TPD52L2: variants seen among roughly 807,000 people sequenced by gnomAD.
TPD52L2 encodes tumor protein D54.
TPD52L2 carries 19 observed loss-of-function variants against 24.7 expected under a neutral mutation model. The ratio of observed to expected loss-of-function variants is 0.77; its 90% CI spans 0.54 to 1.13. The LOEUF (loss-of-function observed/expected upper bound fraction) is 1.13. Among genes scored for constraint, TPD52L2 ranks in the 50% most tolerant of loss-of-function variants. The pLI, the probability that TPD52L2 is intolerant of heterozygous loss-of-function variation, is 0.00. For synonymous variants in TPD52L2, 104 were observed against 100.2 expected, an observed-to-expected ratio of 1.04 and a Z score of -0.23; for missense variants, 236 against 250.4, an observed-to-expected ratio of 0.94 and a Z score of 0.39.
rs2053308335 is a variant in TPD52L2, at chr20:63,891,212, A to G, written c.*1267A>G. ...GTGCCTTAGTGGCTCTTGGCAGGAC[A>G]CTGAGGGCCTGCCTGTGGTGTGCCC... On this transcript the variant is annotated 3_prime_UTR_variant, in exon 7 of 7. Transcript: ENST00000346249. The surrounding 1 kb of genome is among the most constrained non-coding windows in gnomAD (Gnocchi z 4.7). 2 of 152,740 alleles carry G rather than the reference A, an allele frequency of 1.3e-5. No individual in the cohort carries two copies. The highest frequency in any genetic ancestry group is 2.9e-5 in the Non-Finnish European group (2 of 68,070). 9.5% of individuals were successfully genotyped at this position (152,740 alleles called of 1,614,324 possible).
At chr20:63,886,147 A>G in intron 5 of TPD52L2, 1 of 1,153,404 alleles carries the variant, frequency 8.7e-7, no homozygotes, top group Non-Finnish European at 1.3e-6. Context: ...GGGCAGTGAA[A>G]GTGGGATCAC....
chr20:63,884,722 G>A (rs1435416608), intron 5 of TPD52L2, among the ~76,000 whole-genome samples: 1 of 152,190 alleles, frequency 6.6e-6, no homozygotes, highest in Non-Finnish European at 1.5e-5. Context: ...TTGCAGTGAC[G>A]CTGGCACAGC....
At chr20:63,889,551 C>G (rs1257009897) in intron 6 of TPD52L2, among the ~76,000 whole-genome samples, 1 of 152,174 alleles carries the variant, frequency 6.6e-6, no homozygotes, top group Non-Finnish European at 1.5e-5. Flanking sequence ...TGACCTTCCT[C>G]CCGCCCTACC....
At chr20:63,874,956 A>G (rs2052611475) in intron 3 of TPD52L2, among the ~76,000 whole-genome samples, 2 of 151,994 alleles carry the variant, frequency 1.3e-5, no homozygotes, top group South Asian at 2.1e-4. Context: ...CCTGACCAAC[A>G]TGGAGAAACC....
At chr20:63,888,755 C>T (rs1221034786) in intron 5 of TPD52L2, 22 of 191,372 alleles carry the variant, frequency 1.1e-4, no homozygotes, top group Non-Finnish European at 1.8e-4. Context: ...AGAGAGGGGC[C>T]GACAGCCCCC....
At chr20:63,885,793 G>C (rs556009795) in intron 5 of TPD52L2, among the ~76,000 whole-genome samples, 1 of 152,238 alleles carries the variant, frequency 6.6e-6, no homozygotes, top group East Asian at 1.9e-4. Flanking sequence ...ATGATCTTGC[G>C]AGAGCCTCCT....
Position 63,890,310 on chromosome 20 carries a change from TA to T in TPD52L2, c.*367del. The T allele has an allele frequency of 3.0e-6, 1 of 329,432 alleles. No homozygotes were observed. The highest frequency in any genetic ancestry group is 5.5e-6 in the Non-Finnish European group (1 of 181,924). The allele number at this position is 329,432 out of a possible 1,614,324, so 20.4% of individuals were successfully genotyped here. On this transcript the variant is annotated 3_prime_UTR_variant, in exon 7 of 7. Coordinates refer to ENST00000346249, the MANE Select transcript of TPD52L2 (RefSeq NM_003288.4). ...GGATTGAAGAGTTCTAAGCATAAAATAAGTGGCATTTTCTGACTTCTTCCTC... is the reference window on the plus strand; with the variant it reads ...GGATTGAAGAGTTCTAAGCATAAAATAGTGGCATTTTCTGACTTCTTCCTC...
chr20:63,868,731 G>A (rs2052352658), intron 1 of TPD52L2, among the ~76,000 whole-genome samples: 1 of 152,212 alleles, frequency 6.6e-6, no homozygotes, highest in Admixed American at 6.5e-5. Context: ...ATCACCCGAG[G>A]TCGGGAATTG....
chr20:63,873,453 C>T lies in TPD52L2; in HGVS notation c.166-215C>T, dbSNP rs1481180689. 1.6e-3 allele frequency among the ~76,000 whole-genome samples: 240 copies of T among 151,136 alleles called. 3 individuals carry two copies. Among genetic ancestry groups the T allele is most frequent in the Non-Finnish European group, 6.6e-4 (45 of 67,872 alleles). ...GCGGTGAGCCGAGGTCGTGCCATTGCACTCCAGCCTGGGCGACGAGCGAAA... is the reference window on the plus strand; with the variant it reads ...GCGGTGAGCCGAGGTCGTGCCATTGTACTCCAGCCTGGGCGACGAGCGAAA... On this transcript the variant is annotated intron_variant, in intron 2 of 6. Coordinates refer to ENST00000346249, the MANE Select transcript of TPD52L2 (RefSeq NM_003288.4).
At chr20:63,869,894 G>A (rs939509321) in intron 2 of TPD52L2, among the ~76,000 whole-genome samples, 2 of 152,210 alleles carry the variant, frequency 1.3e-5, no homozygotes, top group African/African-American at 4.8e-5. Context: ...GGAGGACAGG[G>A]TGGTAAGGTG....
chr20:63,883,819 T>C (rs2052991704), intron 5 of TPD52L2, among the ~76,000 whole-genome samples: 1 of 75,334 alleles, frequency 1.3e-5, no homozygotes, highest in African/African-American at 5.7e-5. Context: ...CCTGCTGGGC[T>C]GCCTGCCTGC....
At position 63,867,303 on chromosome 20, in the gene TPD52L2, C is replaced by T. The variant is rs867272448; in HGVS notation, c.19+1919C>T. ...CAGAAAGGCTGGGCTCGGTGGCTTA[C>T]GCCTGTAATTCTAACACATTGGGAG... On this transcript the variant is annotated intron_variant, in intron 1 of 6. Transcript: ENST00000346249. Among the ~76,000 whole-genome samples the T allele has an allele frequency of 2.6e-4, 40 of 152,262 alleles. 1 individual carries two copies. Among genetic ancestry groups the T allele is most frequent in the African/African-American group, 8.9e-4 (37 of 41,544 alleles).
chr20:63,883,826 C>A (rs1294090712), intron 5 of TPD52L2, among the ~76,000 whole-genome samples: 1 of 83,520 alleles, frequency 1.2e-5, no homozygotes, highest in African/African-American at 5.2e-5. Flanking sequence ...GGCTGCCTGC[C>A]TGCCTGCCTG....
chr20:63,875,638 C>T (rs538377969), intron 3 of TPD52L2, among the ~76,000 whole-genome samples, 178 bp from the exon 4 acceptor site: 59 of 152,330 alleles, frequency 3.9e-4, no homozygotes, highest in Admixed American at 3.6e-3. Flanking sequence ...GCTCACCTGG[C>T]GGCCTGGGGC....
At chr20:63,876,360 G>A (rs957346915) in intron 4 of TPD52L2, among the ~76,000 whole-genome samples, 1 of 152,172 alleles carries the variant, frequency 6.6e-6, no homozygotes, top group African/African-American at 2.4e-5. Context: ...GGATATGCTG[G>A]TGGAAATTTG....
intron 5 of TPD52L2, among the ~76,000 whole-genome samples, chr20:63,886,469 T>C (rs936255344): frequency 2.0e-5 from 3 of 151,738 alleles, no homozygotes; most frequent in African/African-American, 7.3e-5. Flanking sequence ...CACGCCATTC[T>C]CCTGCCTCAG....
chr20:63,882,520 G>A (rs1011863951), intron 4 of TPD52L2, among the ~76,000 whole-genome samples, 199 bp from the exon 5 acceptor site: 1 of 152,326 alleles, frequency 6.6e-6, no homozygotes. Flanking sequence ...ATGCACAGGC[G>A]GCTCCTCGCC....
chr20:63,873,518 C>A, intron 2 of TPD52L2, 150 bp from the exon 3 acceptor site: 3 of 819,108 alleles, frequency 3.7e-6, no homozygotes, highest in Non-Finnish European at 3.6e-6. Context: ...ACCCAAAAAT[C>A]AGATGTCTGC....
intron 2 of TPD52L2, among the ~76,000 whole-genome samples, chr20:63,871,514 T>C (rs2052463746): frequency 6.6e-6 from 1 of 151,506 alleles, no homozygotes; most frequent in Non-Finnish European, 1.5e-5. Context: ...CATGCCTGGC[T>C]AATTTTTGTA....
Sources: allele counts gnomAD v4.1 joint callset (sites outside exome capture counted in the v4.1 genomes callset), GRCh38; gene constraint gnomAD v4.1.1; non-coding constraint Gnocchi (gnomAD v3.1); transcripts MANE v1.5; gene names NCBI Gene and HGNC (gene_info 2026-07-23, HGNC 2026-07-21).